Variants in NID1 observed in about 807,000 individuals in gnomAD.
The protein encoded by NID1 is nidogen-1.
In NID1, 76 loss-of-function variants were observed where a neutral mutation model predicts 130.6. The observed-to-expected ratio is 0.58, with a 90% CI of 0.48 to 0.70. The LOEUF (loss-of-function observed/expected upper bound fraction) is 0.70, where lower values mean the gene tolerates loss of function less well. Ranked by LOEUF, NID1 falls within the 30% of genes least tolerant of loss-of-function variation. The probability of loss-of-function intolerance (pLI) is 0.00; values close to 1 mark genes in which losing one functional copy is unlikely to be tolerated. For synonymous variants in NID1, 665 were observed against 675.1 expected (o/e 0.98, Z 0.23); for missense variants, 1,517 against 1,664.8 (o/e 0.91, Z 1.54).
At chr1:236,061,746 A>AT (rs145173965) in intron 1 of NID1, among the ~76,000 whole-genome samples, 1,580 of 151,156 alleles carry the variant, frequency 0.01, 36 homozygotes, top group East Asian at 0.057. Context: ...AAAAAACACG[A>AT]TTTTTTTTTA....
In NID1 at chr1:236,014,873, G is replaced by A. The variant is rs147581987; in HGVS notation, c.2255-1313C>T. On this transcript the variant is annotated intron_variant, in intron 10 of 19. Coordinates refer to ENST00000264187, the MANE Select transcript of NID1 (RefSeq NM_002508.3). ...TCACATCAAGCTGACTTATGGGCAAGCTGAGGCCCACCTTTCCTTCACAAA... is the reference window on the plus strand; with the variant it reads ...TCACATCAAGCTGACTTATGGGCAAACTGAGGCCCACCTTTCCTTCACAAA... Among the ~76,000 whole-genome samples, 659 of 152,358 alleles carry A rather than the reference G, an allele frequency of 4.3e-3. 3 individuals carry two copies. The highest frequency in any genetic ancestry group is 6.9e-3 in the Non-Finnish European group (472 of 68,036).
chr1:235,992,033 G>A (rs1348348813), intron 13 of NID1, among the ~76,000 whole-genome samples: 4 of 152,140 alleles, frequency 2.6e-5, no homozygotes, highest in Admixed American at 2.6e-4. Context: ...CACTTGATGA[G>A]ACAATGTCCC....
rs539635418 is a variant in NID1 at position 236,039,127 on chromosome 1, T to C, written c.1136-874A>G. Among the ~76,000 whole-genome samples, 3 of 143,892 alleles carry C rather than the reference T, an allele frequency of 2.1e-5. No homozygotes were observed. In the South Asian group the frequency reaches 6.3e-4, roughly 30 times the overall value. 94.4% of individuals were successfully genotyped at this position (143,892 alleles called of 152,430 possible). A position where few individuals can be genotyped will look rare whatever the true frequency, so the allele number is the denominator to read the frequency against. The stretch of plus-strand genomic sequence containing the variant: ...TATATTTACATTATATTACATTATA[T>C]AAAATACAATATATTACATTATAAT... On this transcript the variant is annotated intron_variant, in intron 4 of 19. Transcript: ENST00000264187.
intron 7 of NID1, among the ~76,000 whole-genome samples, chr1:236,028,687 CATATATAT>C (rs59523526): frequency 6.8e-6 from 1 of 146,908 alleles, no homozygotes. Context: ...GGTCAGTATA[CATATATAT>C]ATATATATAT....
At chr1:236,055,018 T>C (rs1469823660) in intron 1 of NID1, among the ~76,000 whole-genome samples, 1 of 151,824 alleles carries the variant, frequency 6.6e-6, no homozygotes, top group Middle Eastern at 3.4e-3. Flanking sequence ...TTAAAAATAA[T>C]TCAGGGCCGC....
At chr1:236,005,108 G>C (rs1207314734) in intron 12 of NID1, among the ~76,000 whole-genome samples, 1 of 152,058 alleles carries the variant, frequency 6.6e-6, no homozygotes, top group African/African-American at 2.4e-5. Flanking sequence ...GGGTGGTGGA[G>C]GTTGCAGTGA....
In NID1 at chr1:236,040,892, T is replaced by C. The variant is rs149703662; in HGVS notation, c.1135+1018A>G. On this transcript the variant is annotated intron_variant, in intron 4 of 19. Coordinates refer to ENST00000264187, the MANE Select transcript of NID1 (RefSeq NM_002508.3). The stretch of plus-strand genomic sequence containing the variant: ...GTTGTCCAGGCTGGTCTCCAACTCC[T>C]GACCTCAGGTGATGCACCCGCCTTG... Among the ~76,000 whole-genome samples, 227 of 152,266 alleles carry C rather than the reference T, an allele frequency of 1.5e-3. 2 individuals are homozygous for C. The highest frequency in any genetic ancestry group is 5.0e-3 in the African/African-American group (206 of 41,558).
chr1:235,976,004 AAT>A lies in NID1; in HGVS notation c.*1861_*1862del, dbSNP rs1657237358. ...AGAATAAATCTAATAAAATGAATAAAATAGTTATAAAAATCATACAAAATCAT... is the reference window on the plus strand; with the variant it reads ...AGAATAAATCTAATAAAATGAATAAAAGTTATAAAAATCATACAAAATCAT... On this transcript the variant is annotated 3_prime_UTR_variant, in exon 20 of 20. Transcript: ENST00000264187. 6.6e-6 allele frequency: 1 copy of A among 152,636 alleles called. No homozygotes were observed. The highest frequency in any genetic ancestry group is 1.5e-5 in the Non-Finnish European group (1 of 68,042). The allele number at this position is 152,636 out of a possible 1,614,324, so 9.5% of individuals were successfully genotyped here.
rs534403743 is a variant in NID1 at position 235,979,433 on chromosome 1, G to A, written c.3510-326C>T. Reference sequence around the variant, plus strand: ...AGGAAGGGGTAGTCAGGAAGAGGCCGTGGGAATATTGCAGTTTAACAACTA... The same window carrying A: ...AGGAAGGGGTAGTCAGGAAGAGGCCATGGGAATATTGCAGTTTAACAACTA... On this transcript the variant is annotated intron_variant, in intron 18 of 19. Transcript: ENST00000264187. This position sits in a 1 kb window ranked among gnomAD's most constrained non-coding sequence, Gnocchi z 4.6. 8.5e-5 allele frequency among the ~76,000 whole-genome samples: 13 copies of A among 152,312 alleles called. No individual in the cohort carries two copies. Among genetic ancestry groups the A allele is most frequent in the African/African-American group, 2.4e-4 (10 of 41,572 alleles).
chr1:236,027,273 C>G (rs747388348), intron 7 of NID1, among the ~76,000 whole-genome samples: 8 of 152,120 alleles, frequency 5.3e-5, no homozygotes, highest in Non-Finnish European at 1.2e-4. Context: ...ATAAAAGACT[C>G]TTTATATCTT....
chr1:236,023,631 G>A lies in NID1; in HGVS notation c.2128+439C>T, dbSNP rs1428909023. On this transcript the variant is annotated intron_variant, in intron 9 of 19. Coordinates refer to ENST00000264187, the MANE Select transcript of NID1 (RefSeq NM_002508.3). ...TATTTTATATTATGTATATTTTACCGCAAACAATTTTTTTTTTTTAAAAAG... is the reference window on the plus strand; with the variant it reads ...TATTTTATATTATGTATATTTTACCACAAACAATTTTTTTTTTTTAAAAAG... Among the ~76,000 whole-genome samples, 11 of 113,034 alleles carry A rather than the reference G, an allele frequency of 9.7e-5. 1 individual carries two copies. Among genetic ancestry groups the A allele is most frequent in the East Asian group, 3.1e-4 (1 of 3,244 alleles). 74.2% of individuals were successfully genotyped at this position (113,034 alleles called of 152,430 possible). A position where few individuals can be genotyped will look rare whatever the true frequency, so the allele number is the denominator to read the frequency against.
At chr1:235,998,669 C>T (rs1657996108) in intron 12 of NID1, among the ~76,000 whole-genome samples, 1 of 144,526 alleles carries the variant, frequency 6.9e-6, no homozygotes, top group Non-Finnish European at 1.5e-5. Flanking sequence ...GAGCAAAACT[C>T]TGTCTCAAAA....
intron 6 of NID1, 151 bp downstream of exon 6, chr1:236,032,250 G>T: frequency 2.3e-6 from 2 of 885,690 alleles, no homozygotes; most frequent in Non-Finnish European, 3.5e-6. Flanking sequence ...TTCCAAGACA[G>T]AACTACAGGA....
At chr1:236,015,265 C>T (rs570142548) in intron 10 of NID1, among the ~76,000 whole-genome samples, 8 of 152,284 alleles carry the variant, frequency 5.3e-5, no homozygotes, top group South Asian at 4.1e-4. Flanking sequence ...TCTTTGAATG[C>T]GTGTAGGCAG....
At chr1:235,982,324 T>A (rs745767073) in intron 15 of NID1, among the ~76,000 whole-genome samples, 34 of 151,822 alleles carry the variant, frequency 2.2e-4, no homozygotes, top group Non-Finnish European at 3.7e-4. Flanking sequence ...ACTATGAGGG[T>A]GGGGGAGTGG....
In NID1 at chr1:235,977,952, G is replaced by A. The variant is rs1182911978; in HGVS notation, c.3659C>T (p.Thr1220Ile). Residue 1220 changes from threonine (T) to isoleucine (I), a missense_variant, in exon 20 of 20, where the codon ACC becomes ATC. Thr to Ile is a moderately conservative substitution (Grantham distance 89). Coordinates refer to ENST00000264187, the MANE Select transcript of NID1 (RefSeq NM_002508.3). ...CCCTGGGGTGGCCAAGCATAGGTGG[G>A]TGCAGCCGCCATTGTTCACTGAGCA... ...NYCSVNNGGC[T>I]HLCLATPGSR... The A allele has an allele frequency of 6.2e-6, 10 of 1,613,942 alleles. No individual in the cohort carries two copies. Among genetic ancestry groups the A allele is most frequent in the South Asian group, 2.2e-5 (2 of 91,088 alleles).
chr1:235,981,870 A>G (rs1657445408), intron 15 of NID1, 88 bp from the exon 16 acceptor site: 13 of 1,219,170 alleles, frequency 1.1e-5, no homozygotes, highest in South Asian at 9.0e-5. Flanking sequence ...GTTATTTCAC[A>G]TGGTGTCCAA....
At chr1:236,064,764 G>T in intron 1 of NID1, 91 bp downstream of exon 1, 4 of 1,269,174 alleles carry the variant, frequency 3.2e-6, no homozygotes, top group Non-Finnish European at 4.4e-6. Context: ...CCGGGTCCCC[G>T]CCTGCTACGC....
chr1:236,048,991 T>C lies in NID1; in HGVS notation c.226-2A>G. The C allele has an allele frequency of 6.2e-7, 1 of 1,610,046 alleles. No homozygotes were observed. Among genetic ancestry groups the C allele is most frequent in the Non-Finnish European group, 8.5e-7 (1 of 1,179,174 alleles). ...AGCAATGATGCCATTTGTGGTGACCTGTACAAAACCAAGTGTGGTTAAAAG... is the reference window on the plus strand; with the variant it reads ...AGCAATGATGCCATTTGTGGTGACCCGTACAAAACCAAGTGTGGTTAAAAG... On this transcript the variant is annotated splice_acceptor_variant, in intron 1 of 19. Transcript: ENST00000264187. LOFTEE classifies it high-confidence loss of function.
Sources: gnomAD v4.1 joint callset for allele counts (sites outside exome capture counted in the v4.1 genomes callset) on GRCh38, gnomAD v4.1.1 for gene constraint, Gnocchi (gnomAD v3.1) non-coding constraint, MANE v1.5 for transcripts, NCBI Gene and HGNC (gene_info 2026-07-23, HGNC 2026-07-21) for gene names.